MYH7B: variants seen among roughly 807,000 people sequenced by gnomAD.
MYH7B encodes the protein myosin heavy chain 7B.
In MYH7B, 205 loss-of-function variants were observed where a neutral mutation model predicts 234.5. The ratio of observed to expected loss-of-function variants is 0.87; its 90% CI spans 0.78 to 0.98. The LOEUF (loss-of-function observed/expected upper bound fraction) is 0.98, where lower values mean the gene tolerates loss of function less well. MYH7B is among the 50% of genes least tolerant of loss of function. MYH7B has a pLI of 0.00. For synonymous variants in MYH7B, 1,193 were observed against 1,105.0 expected, an observed-to-expected ratio of 1.08 and a Z score of -1.58; for missense variants, 2,652 against 2,633.4, an observed-to-expected ratio of 1.01 and a Z score of -0.15.
intron 26 of MYH7B, 66 bp downstream of exon 26, chr20:34,993,536 C>T (rs2082197220): frequency 6.9e-7 from 1 of 1,451,156 alleles, no homozygotes; most frequent in Non-Finnish European, 9.1e-7. Context: ...GACCCACTGG[C>T]TCTCCCAACC....
intron 1 of MYH7B, 152 bp downstream of exon 1, chr20:34,956,159 G>A (rs1346327619): frequency 6.6e-6 from 1 of 152,150 alleles, no homozygotes; most frequent in Admixed American, 6.5e-5. Flanking sequence ...AGGGGCAGGG[G>A]CCCATAGTAC....
intron 16 of MYH7B, 79 bp from the exon 17 acceptor site, chr20:34,987,478 T>C (rs1395753325): frequency 7.0e-7 from 1 of 1,438,170 alleles, no homozygotes; most frequent in Non-Finnish European, 9.6e-7. Flanking sequence ...TTCCCTCTCC[T>C]AGCCCCAGGC....
chr20:34,970,557 G>GT (rs2081783643), intron 2 of MYH7B, among the ~76,000 whole-genome samples: 1 of 151,704 alleles, frequency 6.6e-6, no homozygotes, highest in Non-Finnish European at 1.5e-5. Context: ...CAGGGTGGGT[G>GT]GGGGGTGACT....
chr20:34,978,859 C>G (rs1285084857), intron 5 of MYH7B, among the ~76,000 whole-genome samples: 1 of 152,184 alleles, frequency 6.6e-6, no homozygotes, highest in East Asian at 1.9e-4. Context: ...GACACAAACT[C>G]CGGTTTGCAG....
intron 2 of MYH7B, among the ~76,000 whole-genome samples, chr20:34,960,983 G>A (rs2081691875): frequency 6.6e-6 from 1 of 152,098 alleles, no homozygotes; most frequent in African/African-American, 2.4e-5. Flanking sequence ...TTGATGGCAC[G>A]AGGGCCAACT....
At chr20:35,001,642 A>G (rs1009937324) in intron 43 of MYH7B, 116 bp downstream of exon 43, 10 of 927,246 alleles carry the variant, frequency 1.1e-5, no homozygotes, top group Non-Finnish European at 1.5e-5. Flanking sequence ...ACCCAGAGGG[A>G]AGAGAGAAGC....
In MYH7B at chr20:34,987,832, G is replaced by A. The variant is rs370162493; in HGVS notation, c.1334G>A (p.Arg445Gln). ...CGGCTGTTCAGGTGGCTGGTGTCTCGGATCAACCAGACCCTGGACACAAAG... is the reference window on the plus strand; with the variant it reads ...CGGCTGTTCAGGTGGCTGGTGTCTCAGATCAACCAGACCCTGGACACAAAG... The change falls in exon 18 of 45, where the codon CGG (arginine) becomes CAG (glutamine). Residue 445 changes from arginine to glutamine, a missense_variant. Transcript: ENST00000262873. The A allele has an allele frequency of 8.6e-5, 138 of 1,613,714 alleles. No individual in the cohort carries two copies. Among genetic ancestry groups the A allele is most frequent in the East Asian group, 2.9e-4 (13 of 44,880 alleles).
intron 2 of MYH7B, among the ~76,000 whole-genome samples, chr20:34,970,536 ATC>A (rs1012480003): frequency 4.0e-5 from 6 of 151,824 alleles, no homozygotes; most frequent in Non-Finnish European, 8.8e-5. Flanking sequence ...GCCTCCCGGG[ATC>A]TATTTCAGCA....
chr20:34,993,320 C>G lies in MYH7B; in HGVS notation c.2308-14C>G. 2 of 1,614,094 alleles carry G rather than the reference C, an allele frequency of 1.2e-6. No individual in the cohort carries two copies. The highest frequency in any genetic ancestry group is 1.7e-6 in the Non-Finnish European group (2 of 1,180,020). The stretch of plus-strand genomic sequence containing the variant: ...GTTGGGGGTTACCCTGGCTGTCTAC[C>G]TCTCCGCCCCCAGGTGTTCTTCAAG... On this transcript the variant is annotated splice_polypyrimidine_tract_variant and intron_variant, in intron 25 of 44. Coordinates refer to ENST00000262873, the Ensembl canonical transcript of MYH7B.
exon 41 of MYH7B, chr20:35,001,052 A>G: frequency 6.2e-7 from 1 of 1,613,862 alleles, no homozygotes; most frequent in Non-Finnish European, 8.5e-7. Flanking sequence ...GAACGGATGA[A>G]GAAGACGCTG....
chr20:35,001,034 C>A, exon 41 of MYH7B: 1 of 1,613,838 alleles, frequency 6.2e-7, no homozygotes, highest in South Asian at 1.1e-5. Context: ...GACACAAGTG[C>A]ACACCTGGAA....
Position 34,999,256 on chromosome 20 carries a change from G to A in MYH7B, c.4391G>A (p.Arg1464Gln), listed in dbSNP as rs760030486. The A allele has an allele frequency of 1.4e-5, 23 of 1,601,888 alleles. No homozygotes were observed. Among genetic ancestry groups the A allele is most frequent in the Middle Eastern group, 1.7e-4 (1 of 6,048 alleles). ...TTGGAACGGGCACTGGAGGAACGGC[G>A]GCGGCAGGAGGAGGAGATGCAGCGG... The change falls in exon 36 of 45, where the codon CGG becomes CAG. Residue 1464 changes from arginine to glutamine, a missense_variant. Around this residue, in one of 3 missense-constraint regions of MYH7B, gnomAD observed 2,279 missense variants for 2,211.4 expected, o/e 1.03. Coordinates refer to ENST00000262873, the Ensembl canonical transcript of MYH7B.
chr20:35,000,043 G>T, intron 38 of MYH7B, 137 bp downstream of exon 38: 1 of 955,286 alleles, frequency 1.0e-6, no homozygotes. Context: ...TGTGAACCTC[G>T]GAGATGCTAA....
At chr20:34,979,703 C>T (rs773221615) in exon 7 of MYH7B, 14 of 1,614,202 alleles carry the variant, frequency 8.7e-6, no homozygotes, top group Non-Finnish European at 1.2e-5. Flanking sequence ...CATGAACCCG[C>T]CTCGCTTCGA....
intron 28 of MYH7B, among the ~76,000 whole-genome samples, 166 bp downstream of exon 28, chr20:34,995,744 C>A (rs1363709281): frequency 6.6e-6 from 1 of 152,254 alleles, no homozygotes; most frequent in Middle Eastern, 3.2e-3. Context: ...GTGGGGTTAG[C>A]AGCACTTACC....
At chr20:34,958,542 T>C (rs1224559154) in intron 2 of MYH7B, among the ~76,000 whole-genome samples, 5 of 152,216 alleles carry the variant, frequency 3.3e-5, no homozygotes, top group Admixed American at 1.3e-4. Context: ...CTTGGCTCAC[T>C]GCAACCTCTG....
At chr20:34,991,209 C>T in intron 24 of MYH7B, 88 bp downstream of exon 24, 1 of 924,432 alleles carries the variant, frequency 1.1e-6, no homozygotes. Context: ...AACAGACGGT[C>T]CCCTGTCTGG....
intron 2 of MYH7B, among the ~76,000 whole-genome samples, chr20:34,967,228 A>T (rs1259977726): frequency 1.4e-5 from 2 of 146,510 alleles, no homozygotes; most frequent in Non-Finnish European, 1.5e-5. Flanking sequence ...GACTCCATCT[A>T]AAAAAAAAAA....
rs370972260 is a variant in MYH7B, at chr20:34,998,872, G to T, written c.4147G>T (p.Glu1383Ter). The change falls in exon 35 of 45, where the codon GAA becomes TAA. Residue 1383 changes from glutamate (E) to a stop codon, truncating the protein, a stop_gained. Coordinates refer to ENST00000262873, the Ensembl canonical transcript of MYH7B. LOFTEE classifies it high-confidence loss of function. ...GGTGGCCCAGTGGAGGAGCAAGTACGAAGCAGATGCCATCCAGAGGACCGA... is the reference window on the plus strand; with the variant it reads ...GGTGGCCCAGTGGAGGAGCAAGTACTAAGCAGATGCCATCCAGAGGACCGA... 1.2e-6 allele frequency: 2 copies of T among 1,613,234 alleles called. No homozygotes were observed. The highest frequency in any genetic ancestry group is 2.2e-5 in the South Asian group (2 of 91,078).
Sources: gnomAD v4.1 joint callset for allele counts (sites outside exome capture counted in the v4.1 genomes callset) on GRCh38, gnomAD v4.1.1 for gene constraint, gnomAD v4.1.1 regional missense constraint, MANE v1.5 for transcripts, NCBI Gene and HGNC (gene_info 2026-07-23, HGNC 2026-07-21) for gene names.